Variants in SEMA4D observed in about 807,000 individuals in gnomAD.
SEMA4D encodes semaphorin-4D.
A neutral mutation model predicts 74.8 loss-of-function variants in SEMA4D; 22 were observed. The ratio of observed to expected loss-of-function variants is 0.29; its 90% CI spans 0.21 to 0.42. The LOEUF (loss-of-function observed/expected upper bound fraction) is 0.42, where lower values mean the gene tolerates loss of function less well. Among genes scored for constraint, SEMA4D ranks in the 10% least tolerant of loss-of-function variants. The probability of loss-of-function intolerance (pLI) is 1.00; values close to 1 mark genes in which losing one functional copy is unlikely to be tolerated. For missense variants in SEMA4D, 937 were observed against 1,118.4 expected (o/e 0.84, Z 2.31); for synonymous variants, 445 against 463.7 (o/e 0.96, Z 0.52).
chr9:89,467,467 G>A (rs1163666263), intron 1 of SEMA4D, among the ~76,000 whole-genome samples: 1 of 145,490 alleles, frequency 6.9e-6, no homozygotes, highest in Non-Finnish European at 1.5e-5. Flanking sequence ...ACTTCTTACA[G>A]GAAATGTGTT....
chr9:89,409,274 A>G (rs1202916727), intron 2 of SEMA4D, among the ~76,000 whole-genome samples: 1 of 152,142 alleles, frequency 6.6e-6, no homozygotes, highest in Non-Finnish European at 1.5e-5. Context: ...GGGGCTGGGG[A>G]GAGAGAGGGT....
chr9:89,455,624 G>A (rs752447077), intron 2 of SEMA4D, among the ~76,000 whole-genome samples: 2 of 152,102 alleles, frequency 1.3e-5, no homozygotes, highest in African/African-American at 2.4e-5. Context: ...GCATTGCCTC[G>A]CTCATTGCCT....
chr9:89,386,632 A>G, intron 12 of SEMA4D, 150 bp from the exon 13 acceptor site: 1 of 586,780 alleles, frequency 1.7e-6, no homozygotes, highest in Non-Finnish European at 3.0e-6. Flanking sequence ...TTAGAAACAA[A>G]AAAAGGAAAA....
chr9:89,462,008 T>C (rs1481567775), intron 1 of SEMA4D, among the ~76,000 whole-genome samples: 3 of 152,130 alleles, frequency 2.0e-5, no homozygotes, highest in Non-Finnish European at 1.5e-5. Flanking sequence ...GCCTGATGTA[T>C]ATTTCTTGAA....
At chr9:89,374,930 G>C (rs546539033), downstream of SEMA4D, among the ~76,000 whole-genome samples, 14 of 152,328 alleles carry the variant, frequency 9.2e-5, no homozygotes, top group South Asian at 1.0e-3. Context: ...AGGTGTGCCT[G>C]TAATCCCAGC....
intron 3 of SEMA4D, among the ~76,000 whole-genome samples, chr9:89,404,248 GTTC>G (rs1842798941): frequency 6.6e-6 from 1 of 152,250 alleles, no homozygotes; most frequent in African/African-American, 2.4e-5. Flanking sequence ...ATGCCTCACT[GTTC>G]TTCTCAGGCG....
intron 2 of SEMA4D, among the ~76,000 whole-genome samples, chr9:89,445,234 C>T (rs1409736210): frequency 2.0e-5 from 3 of 152,222 alleles, no homozygotes; most frequent in Admixed American, 1.3e-4. Context: ...AAGAGACACA[C>T]GCTCTTTGGA....
At position 89,398,609 on chromosome 9, in the gene SEMA4D, G is replaced by A. The variant is rs188506174; in HGVS notation, c.315+667C>T. ...GCTGTCCCACACAATGAGAAAAGGG[G>A]CCCACTGAGCTTATAACACACCACT... On this transcript the variant is annotated intron_variant, in intron 5 of 15. Transcript: ENST00000422704. Among the ~76,000 whole-genome samples the A allele has an allele frequency of 3.3e-5, 5 of 152,316 alleles. No homozygotes were observed. The East Asian group carries it at 9.6e-4, about 29-fold the overall frequency.
chr9:89,457,110 A>C (rs930398924), intron 1 of SEMA4D, among the ~76,000 whole-genome samples: 2 of 152,210 alleles, frequency 1.3e-5, no homozygotes, highest in African/African-American at 4.8e-5. Flanking sequence ...TAACGATGAA[A>C]GAAACAAACT....
At position 89,422,622 on chromosome 9, in the gene SEMA4D, G is replaced by A. The variant is rs76682232; in HGVS notation, c.-243-16923C>T. Among the ~76,000 whole-genome samples the A allele has an allele frequency of 8.2e-3, 1,248 of 152,336 alleles. 43 individuals are homozygous for A. The East Asian group carries it at 0.097, about 12-fold the overall frequency. The stretch of plus-strand genomic sequence containing the variant: ...CGTGGTGCCCTCAGCAGCCTGTCAC[G>A]GCTGTGCAATATTCCATAATTAAAT... On this transcript the variant is annotated intron_variant, in intron 2 of 15. Coordinates refer to ENST00000422704, the MANE Select transcript of SEMA4D (RefSeq NM_001371194.2).
At chr9:89,363,482 C>G (rs13295305) in exon 18 of SEMA4D, 5 of 1,614,018 alleles carry the variant, frequency 3.1e-6, no homozygotes, top group Non-Finnish European at 4.2e-6. Context: ...AGCCACAGCC[C>G]TCCAGGCAGA....
chr9:89,360,833 A>C (rs1055633602), exon 19 of SEMA4D: 3 of 152,234 alleles, frequency 2.0e-5, no homozygotes, highest in Admixed American at 6.5e-5. Flanking sequence ...AGAGCAAAGA[A>C]AGACTCAGAA....
intron 3 of SEMA4D, among the ~76,000 whole-genome samples, chr9:89,404,596 G>A (rs1327080925): frequency 1.5e-3 from 174 of 115,418 alleles, no homozygotes; most frequent in Middle Eastern, 0.011. Flanking sequence ...TCCCCATCCC[G>A]TCCCCAGCCA....
chr9:89,397,856 G>T (rs1466545821), intron 5 of SEMA4D, among the ~76,000 whole-genome samples: 1 of 152,228 alleles, frequency 6.6e-6, no homozygotes, highest in Non-Finnish European at 1.5e-5. Context: ...AGAATGCCCA[G>T]TGCCAGGTAG....
chr9:89,458,484 C>CA (rs1257861100), intron 1 of SEMA4D, among the ~76,000 whole-genome samples: 2 of 151,116 alleles, frequency 1.3e-5, no homozygotes, highest in Non-Finnish European at 3.0e-5. Flanking sequence ...GACTGCCTGC[C>CA]ACACACATGC....
chr9:89,459,331 G>A (rs1221844659), intron 1 of SEMA4D, among the ~76,000 whole-genome samples: 1 of 152,200 alleles, frequency 6.6e-6, no homozygotes, highest in Admixed American at 6.5e-5. Context: ...TAGTCCCTGG[G>A]GCAGCTTAAG....
At chr9:89,415,305 A>G (rs1033174514) in intron 2 of SEMA4D, among the ~76,000 whole-genome samples, 34 of 152,294 alleles carry the variant, frequency 2.2e-4, no homozygotes, top group African/African-American at 7.5e-4. Flanking sequence ...CGGTCTCCCT[A>G]CTGGACACTG....
intron 1 of SEMA4D, among the ~76,000 whole-genome samples, chr9:89,457,068 G>A (rs997527548): frequency 2.4e-4 from 37 of 152,204 alleles, no homozygotes; most frequent in African/African-American, 8.4e-4. Flanking sequence ...AGCCGCAAAT[G>A]GCAACTGAAG....
rs774435861 is a variant in SEMA4D, at chr9:89,392,520, C to T, written c.525G>A (p.Ser175=). 1.7e-5 allele frequency: 28 copies of T among 1,613,202 alleles called. No individual in the cohort carries two copies. Among genetic ancestry groups the T allele is most frequent in the African/African-American group, 8.0e-5 (6 of 74,858 alleles). Residue 175 remains serine, a synonymous_variant, in exon 8 of 16, where the codon TCG becomes TCA. Coordinates refer to ENST00000422704, the MANE Select transcript of SEMA4D (RefSeq NM_001371194.2). Reference sequence around the variant, plus strand: ...TTCCCAAAAAATTATACGACGTCCCCGAATAAAGTTCTCCATCTGCAGGGG... The same window carrying T: ...TTCCCAAAAAATTATACGACGTCCCTGAATAAAGTTCTCCATCTGCAGGGG... The part of the protein sequence containing the change: ...TSVMVDGELY[S]GTSYNFLGSE...
Sources: allele counts gnomAD v4.1 joint callset (sites outside exome capture counted in the v4.1 genomes callset), GRCh38; gene constraint gnomAD v4.1.1; transcripts MANE v1.5; gene names NCBI Gene and HGNC (gene_info 2026-07-23, HGNC 2026-07-21).